Variants in BLOC1S3 observed in about 807,000 individuals in gnomAD.
The protein encoded by BLOC1S3 is biogenesis of lysosome-related organelles complex 1 subunit 3.
In BLOC1S3, 7 loss-of-function variants were observed where a neutral mutation model predicts 9.1. The observed-to-expected ratio is 0.77, with a 90% CI of 0.44 to 1.45. BLOC1S3 has a LOEUF of 1.45. Among genes scored for constraint, BLOC1S3 ranks in the 40% most tolerant of loss-of-function variants. BLOC1S3 has a pLI of 0.01. For synonymous variants in BLOC1S3, 145 were observed against 158.4 expected, an observed-to-expected ratio of 0.92 and a Z score of 0.64; for missense variants, 307 against 315.2, an observed-to-expected ratio of 0.97 and a Z score of 0.20.
rs1259304857 is a variant in BLOC1S3, at chr19:45,180,233, C to CA, written c.*330dup. ...ATCTGTTTCCACCCTGGGGGCTCAC[C>CA]AATTTTTTTTTTTTTTTTTTTTTTT... On this transcript the variant is annotated 3_prime_UTR_variant, in exon 2 of 2. Coordinates refer to ENST00000433642, the MANE Select transcript of BLOC1S3 (RefSeq NM_212550.5). 127 of 178,094 alleles carry CA rather than the reference C, an allele frequency of 7.1e-4. 2 individuals carry two copies. Among genetic ancestry groups the CA allele is most frequent in the African/African-American group, 4.0e-3 (122 of 30,472 alleles). The allele number at this position is 178,094 out of a possible 1,614,324, so 11.0% of individuals were successfully genotyped here. A position where few individuals can be genotyped will look rare whatever the true frequency, so the allele number is the denominator to read the frequency against.
At chr19:45,207,573 A>C (rs796354281) in intron 3 of BLOC1S3, among the ~76,000 whole-genome samples, 31,587 of 142,828 alleles carry the variant, frequency 0.22, 4,774 homozygotes, top group East Asian at 0.35. Context: ...AAAAAAAAAA[A>C]AAAAAAAAAA....
At chr19:45,206,796 A>C (rs1486543586) in intron 3 of BLOC1S3, among the ~76,000 whole-genome samples, 6 of 151,206 alleles carry the variant, frequency 4.0e-5, no homozygotes, top group Non-Finnish European at 7.4e-5. Context: ...ATTCCATTTT[A>C]TCTCTTTTGT....
At chr19:45,198,671 T>C (rs967005743) in intron 2 of BLOC1S3, among the ~76,000 whole-genome samples, 4 of 152,162 alleles carry the variant, frequency 2.6e-5, no homozygotes, top group Non-Finnish European at 4.4e-5. Flanking sequence ...GCCAGACGTA[T>C]TGGAGCTCCA....
At position 45,181,518 on chromosome 19, in the gene BLOC1S3, T is replaced by C. The variant is rs935221747; in HGVS notation, c.*1613T>C. ...GACAGCACTTTGCAGATAAGAACGA[T>C]ATGATGTGTGGATTTCACTACATTT... On this transcript the variant is annotated 3_prime_UTR_variant, in exon 2 of 2. Coordinates refer to ENST00000433642, the MANE Select transcript of BLOC1S3 (RefSeq NM_212550.5). The C allele has an allele frequency of 6.0e-6, 1 of 167,112 alleles. No homozygotes were observed. The highest frequency in any genetic ancestry group is 2.4e-5 in the African/African-American group (1 of 41,460). 10.4% of individuals were successfully genotyped at this position (167,112 alleles called of 1,614,324 possible).
intron 3 of BLOC1S3, among the ~76,000 whole-genome samples, chr19:45,208,163 C>T (rs540377803): frequency 3.3e-5 from 5 of 149,684 alleles, no homozygotes; most frequent in East Asian, 4.0e-4. Flanking sequence ...TTAGTAGAGA[C>T]GGGTTTTGCC....
chr19:45,207,647 G>A (rs1969738040), intron 3 of BLOC1S3, among the ~76,000 whole-genome samples: 1 of 148,680 alleles, frequency 6.7e-6, no homozygotes, highest in Non-Finnish European at 1.5e-5. Flanking sequence ...TGAGTCACGA[G>A]AATTGCTTGA....
At chr19:45,189,917 A>G (rs1969592748) in intron 2 of BLOC1S3, among the ~76,000 whole-genome samples, 1 of 151,390 alleles carries the variant, frequency 6.6e-6, no homozygotes, top group Admixed American at 6.6e-5. Flanking sequence ...TTTTGAGGCT[A>G]TTTTCTAGAT....
At chr19:45,213,078 G>A (rs772113746) in intron 3 of BLOC1S3, 2 of 1,497,984 alleles carry the variant, frequency 1.3e-6, no homozygotes, top group Non-Finnish European at 1.8e-6. Flanking sequence ...CTCAGCGCTG[G>A]GCCCGAGGTC....
chr19:45,181,302 G>A lies in BLOC1S3; in HGVS notation c.*1397G>A, dbSNP rs1056954878. The A allele has an allele frequency of 6.6e-5, 11 of 167,126 alleles. No individual in the cohort carries two copies. Among genetic ancestry groups the A allele is most frequent in the African/African-American group, 2.4e-4 (10 of 41,436 alleles). 10.4% of individuals were successfully genotyped at this position (167,126 alleles called of 1,614,324 possible). On this transcript the variant is annotated 3_prime_UTR_variant, in exon 2 of 2. Coordinates refer to ENST00000433642, the MANE Select transcript of BLOC1S3 (RefSeq NM_212550.5). ...AAATGATGGCCCCTCTTAACCCAAG[G>A]CAGGGGATCTTCCTCCCAACTCCCT...
chr19:45,213,446 C>A, intron 3 of BLOC1S3: 2 of 1,516,274 alleles, frequency 1.3e-6, no homozygotes, highest in East Asian at 2.3e-5. Flanking sequence ...GACCCCCTCA[C>A]CTATCCCAGA....
Position 45,179,602 on chromosome 19 carries a change from C to A in BLOC1S3, c.306C>A (p.Pro102=), listed in dbSNP as rs1199083434. ...EAWGTEEAPA[P]APARSLLQLR... is the part of the protein sequence containing the mutation. The stretch of plus-strand genomic sequence containing the variant: ...GGGGCACGGAGGAGGCCCCGGCGCC[C>A]GCCCCCGCGCGCTCGCTCCTGCAAC... The change falls in exon 2 of 2, where the codon CCC becomes CCA. Residue 102 remains proline, a synonymous_variant. Transcript: ENST00000433642. The surrounding 1 kb of genome is among the most constrained non-coding windows in gnomAD (Gnocchi z 4.6). The A allele has an allele frequency of 2.7e-6, 4 of 1,473,474 alleles. No individual in the cohort carries two copies. In the Admixed American group the frequency reaches 9.5e-5, roughly 35 times the overall value. 91.3% of individuals were successfully genotyped at this position (1,473,474 alleles called of 1,614,324 possible). A position where few individuals can be genotyped will look rare whatever the true frequency, so the allele number is the denominator to read the frequency against.
At chr19:45,189,342 G>A (rs1430350459) in intron 2 of BLOC1S3, among the ~76,000 whole-genome samples, 1 of 151,850 alleles carries the variant, frequency 6.6e-6, no homozygotes, top group Non-Finnish European at 1.5e-5. Flanking sequence ...AATGTTATTT[G>A]TTACTTCTGT....
At chr19:45,215,917 T>C (rs1177866128) in intron 3 of BLOC1S3, among the ~76,000 whole-genome samples, 2 of 152,038 alleles carry the variant, frequency 1.3e-5, no homozygotes, top group South Asian at 2.1e-4. Flanking sequence ...AGGAGGGAAA[T>C]CTTATTAATA....
chr19:45,184,962 G>A (rs986187310), downstream of BLOC1S3, among the ~76,000 whole-genome samples: 4 of 147,930 alleles, frequency 2.7e-5, no homozygotes, highest in East Asian at 6.0e-4. Context: ...AGGAGGGACC[G>A]ACTGGGGAAG....
intron 3 of BLOC1S3, among the ~76,000 whole-genome samples, chr19:45,209,508 G>A (rs567516818): frequency 3.3e-5 from 5 of 152,042 alleles, no homozygotes; most frequent in South Asian, 2.1e-4. Context: ...TGCAAGCTCC[G>A]CCTCCCGGTT....
chr19:45,216,612 A>T (rs1375305635), intron 3 of BLOC1S3: 1 of 153,864 alleles, frequency 6.5e-6, no homozygotes, highest in Non-Finnish European at 1.4e-5. Flanking sequence ...ATAAAAAATA[A>T]AATGTAGCAG....
intron 2 of BLOC1S3, among the ~76,000 whole-genome samples, chr19:45,188,648 T>A (rs1054410538): frequency 2.0e-5 from 3 of 149,696 alleles, no homozygotes; most frequent in African/African-American, 7.4e-5. Context: ...TCTTGGCTCA[T>A]TGCAACCTGT....
intron 3 of BLOC1S3, among the ~76,000 whole-genome samples, chr19:45,209,238 G>A (rs572426820): frequency 1.1e-4 from 16 of 151,452 alleles, no homozygotes; most frequent in African/African-American, 3.9e-4. Context: ...TAGTAGAGAT[G>A]GGGTTTCACC....
rs886054489 is a variant in BLOC1S3, at chr19:45,179,530, G to A, written c.234G>A (p.Arg78=). 10 of 1,523,120 alleles carry A rather than the reference G, an allele frequency of 6.6e-6. No homozygotes were observed. The East Asian group carries it at 2.5e-4, about 39-fold the overall frequency. 94.4% of individuals were successfully genotyped at this position (1,523,120 alleles called of 1,614,324 possible). A position where few individuals can be genotyped will look rare whatever the true frequency, so the allele number is the denominator to read the frequency against. The change falls in exon 2 of 2, where the codon AGG becomes AGA. Residue 78 remains arginine (R), a synonymous_variant. Transcript: ENST00000433642. This position sits in a 1 kb window ranked among gnomAD's most constrained non-coding sequence, Gnocchi z 4.6. ...EPEPEPTAAP[R]DLPPLVVQRE... Reference sequence around the variant, plus strand: ...AGCCGGAACCGACGGCCGCGCCGAGGGACCTGCCTCCACTCGTGGTGCAGC... The same window carrying A: ...AGCCGGAACCGACGGCCGCGCCGAGAGACCTGCCTCCACTCGTGGTGCAGC...
Sources: gnomAD v4.1 joint callset for allele counts (sites outside exome capture counted in the v4.1 genomes callset) on GRCh38, gnomAD v4.1.1 for gene constraint, Gnocchi (gnomAD v3.1) non-coding constraint, MANE v1.5 for transcripts, NCBI Gene and HGNC (gene_info 2026-07-23, HGNC 2026-07-21) for gene names.